The following RUVBL1 variants were observed in gnomAD, a reference collection of about 807,000 sequenced individuals.
RUVBL1 encodes ruvB-like 1.
In RUVBL1, 4 loss-of-function variants were observed where a neutral mutation model predicts 52.4. The ratio of observed to expected loss-of-function variants is 0.08; its 90% CI spans 0.04 to 0.17. The LOEUF is 0.17. Among genes scored for constraint, RUVBL1 ranks in the 10% least tolerant of loss-of-function variants. RUVBL1 has a pLI of 1.00. For missense variants in RUVBL1, 298 were observed against 572.8 expected (o/e 0.52, Z 4.90); for synonymous variants, 217 against 214.4 (o/e 1.01, Z -0.10).
chr3:128,069,730 C>T (rs1249979942), intron 9 of RUVBL1: 5 of 1,351,718 alleles, frequency 3.7e-6, no homozygotes, highest in African/African-American at 2.9e-5. Context: ...CTCATCATGG[C>T]GCGTGCTGCT....
chr3:128,104,688 G>A, intron 4 of RUVBL1, 85 bp downstream of exon 4: 2 of 1,214,346 alleles, frequency 1.6e-6, no homozygotes, highest in African/African-American at 1.5e-5. Context: ...TCAGGAAACT[G>A]GGATGCAGAG....
intron 8 of RUVBL1, among the ~76,000 whole-genome samples, chr3:128,096,688 G>A (rs180979961): frequency 2.3e-4 from 35 of 152,244 alleles, no homozygotes; most frequent in Admixed American, 1.5e-3. Context: ...TTAGCCAGGC[G>A]TGGTGGTGGG....
Position 128,081,142 on chromosome 3 carries a change from C to T in RUVBL1, c.*108G>A. The T allele has an allele frequency of 8.9e-7, 1 of 1,129,394 alleles. No individual in the cohort carries two copies. The highest frequency in any genetic ancestry group is 1.3e-6 in the Non-Finnish European group (1 of 781,844). 70.0% of individuals were successfully genotyped at this position (1,129,394 alleles called of 1,614,324 possible). Reference sequence around the variant, plus strand: ...ACACTGAACTGACAGCGCTGCAGACCACGCCTGAGTGGGGACGGCAGCCCC... The same window carrying T: ...ACACTGAACTGACAGCGCTGCAGACTACGCCTGAGTGGGGACGGCAGCCCC... On this transcript the variant is annotated 3_prime_UTR_variant, in exon 11 of 11. Transcript: ENST00000322623. This position sits in a 1 kb window ranked among gnomAD's most constrained non-coding sequence, Gnocchi z 4.8.
chr3:128,065,030 A>G (rs771731373), exon 10 of RUVBL1: 3 of 1,614,074 alleles, frequency 1.9e-6, no homozygotes. Context: ...GTGGTCATCT[A>G]TTTCCAGGTG....
At chr3:128,134,059 A>G (rs1318301662) in intron 1 of RUVBL1, among the ~76,000 whole-genome samples, 1 of 152,170 alleles carries the variant, frequency 6.6e-6, no homozygotes, top group Non-Finnish European at 1.5e-5. Context: ...AGATTGAAAT[A>G]ATTAAAAATA....
chr3:128,121,710 CAAAAAAAAAAA>C (rs558813738), intron 1 of RUVBL1, among the ~76,000 whole-genome samples: 1 of 108,818 alleles, frequency 9.2e-6, no homozygotes, highest in Non-Finnish European at 1.9e-5. Context: ...AACTTCGTCT[CAAAAAAAAAAA>C]AAAAAAAAAA....
At chr3:128,117,621 T>G (rs994961258) in intron 2 of RUVBL1, among the ~76,000 whole-genome samples, 6 of 151,846 alleles carry the variant, frequency 4.0e-5, no homozygotes, top group African/African-American at 7.3e-5. Flanking sequence ...TTTTTGTTTT[T>G]TTTTTTTTTG....
In RUVBL1 at chr3:128,067,963, C is replaced by G; in HGVS notation, c.940-2743G>C. 6.2e-7 allele frequency: 1 copy of G among 1,610,828 alleles called. No individual in the cohort carries two copies. The highest frequency in any genetic ancestry group is 8.5e-7 in the Non-Finnish European group (1 of 1,177,246). ...CCTTCAGCCTCCAATTCCAACTTCT[C>G]CCCTGTGGGCACCCTGCAGGTTGCA... On this transcript the variant is annotated intron_variant, in intron 9 of 9. Transcript: ENST00000464873. This position sits in a 1 kb window ranked among gnomAD's most constrained non-coding sequence, Gnocchi z 4.1.
At chr3:128,109,204 A>G (rs1380327121) in intron 3 of RUVBL1, among the ~76,000 whole-genome samples, 1 of 152,108 alleles carries the variant, frequency 6.6e-6, no homozygotes, top group Non-Finnish European at 1.5e-5. Flanking sequence ...CTTCATAATT[A>G]ATTAATGTTT....
At chr3:128,069,710 A>G (rs1406933869) in intron 9 of RUVBL1, 1 of 1,548,030 alleles carries the variant, frequency 6.5e-7, no homozygotes, top group East Asian at 2.3e-5. Context: ...AGCGCCTCGG[A>G]AGGGGAGCTC....
downstream of RUVBL1, among the ~76,000 whole-genome samples, chr3:128,077,474 C>T (rs1473491347): frequency 2.6e-5 from 4 of 152,232 alleles, no homozygotes; most frequent in African/African-American, 9.6e-5. Context: ...GAACACTGTT[C>T]TACCTCCCGA....
At chr3:128,118,831 T>A (rs1943581692) in intron 2 of RUVBL1, among the ~76,000 whole-genome samples, 1 of 152,248 alleles carries the variant, frequency 6.6e-6, no homozygotes, top group South Asian at 2.1e-4. Flanking sequence ...TGTGCTGTCA[T>A]GATTTCCTTT....
At chr3:128,111,031 C>T (rs1398796634) in intron 3 of RUVBL1, among the ~76,000 whole-genome samples, 1 of 151,852 alleles carries the variant, frequency 6.6e-6, no homozygotes, top group African/African-American at 2.4e-5. Context: ...TCAAGACCAT[C>T]CTGGCCAACA....
chr3:128,090,256 G>A (rs1447528642), intron 8 of RUVBL1, among the ~76,000 whole-genome samples: 1 of 152,228 alleles, frequency 6.6e-6, no homozygotes, highest in African/African-American at 2.4e-5. Context: ...AATCAGCCGG[G>A]CGCAGTGGCT....
At position 128,082,666 on chromosome 3, in the gene RUVBL1, A is replaced by C; in HGVS notation, c.1120-92T>G. 27 of 1,033,010 alleles carry C rather than the reference A, an allele frequency of 2.6e-5. No individual in the cohort carries two copies. The highest frequency in any genetic ancestry group is 3.7e-5 in the Non-Finnish European group (26 of 700,902). The allele number at this position is 1,033,010 out of a possible 1,614,324, so 64.0% of individuals were successfully genotyped here. The stretch of plus-strand genomic sequence containing the variant: ...AAAGACAATGTTGCTCAGATTTCTC[A>C]CTGTGCAGCATAAGAGAAACTGAGA... On this transcript the variant is annotated intron_variant, in intron 9 of 10. Transcript: ENST00000322623. The surrounding 1 kb of genome is among the most constrained non-coding windows in gnomAD (Gnocchi z 4.7).
chr3:128,069,447 C>A (rs1375154869), intron 9 of RUVBL1: 1 of 1,600,006 alleles, frequency 6.2e-7, no homozygotes, highest in Non-Finnish European at 8.5e-7. Flanking sequence ...CTGTGGGTGT[C>A]CAGGAGCTGA....
rs111737766 is a variant in RUVBL1 at position 128,101,650 on chromosome 3, T to TA, written c.514-3dup. 9.6e-3 allele frequency: 11,648 copies of TA among 1,209,994 alleles called. No individual in the cohort carries two copies. The highest frequency in any genetic ancestry group is 0.011 in the Non-Finnish European group (9,821 of 878,682). The allele number at this position is 1,209,994 out of a possible 1,614,324, so 75.0% of individuals were successfully genotyped here. ...ACTTTCAAAAATGCTGGGGTCCAGC[T>TA]AAAAAAAAAAATGTAAATCAGAAGT... On this transcript the variant is annotated splice_polypyrimidine_tract_variant and splice_region_variant and intron_variant, in intron 4 of 10. Coordinates refer to ENST00000322623, the MANE Select transcript of RUVBL1 (RefSeq NM_003707.3).
In RUVBL1 at chr3:128,082,396, G is replaced by C; in HGVS notation, c.1211+87C>G. On this transcript the variant is annotated intron_variant, in intron 10 of 10. Transcript: ENST00000322623. The surrounding 1 kb of genome is among the most constrained non-coding windows in gnomAD (Gnocchi z 4.7). ...TGGATAGAGTCCCATGCCCTAGGAA[G>C]GGACCTGCCTTTATTGTCCAGAATG... is the stretch of plus-strand genomic sequence containing the variant. The C allele has an allele frequency of 1.0e-6, 1 of 992,946 alleles. No individual in the cohort carries two copies. Among genetic ancestry groups the C allele is most frequent in the East Asian group, 2.4e-5 (1 of 41,906 alleles). The allele number at this position is 992,946 out of a possible 1,614,324, so 61.5% of individuals were successfully genotyped here. A position where few individuals can be genotyped will look rare whatever the true frequency, so the allele number is the denominator to read the frequency against.
chr3:128,110,841 C>A (rs1576466794), intron 3 of RUVBL1, among the ~76,000 whole-genome samples: 1 of 152,114 alleles, frequency 6.6e-6, no homozygotes, highest in African/African-American at 2.4e-5. Context: ...ATAAAAAATA[C>A]TTCATAAACC....
Sources: allele counts gnomAD v4.1 joint callset (sites outside exome capture counted in the v4.1 genomes callset), GRCh38; gene constraint gnomAD v4.1.1; non-coding constraint Gnocchi (gnomAD v3.1); transcripts MANE v1.5; gene names NCBI Gene and HGNC (gene_info 2026-07-23, HGNC 2026-07-21).